Variants in SH3D19 observed in about 807,000 individuals in gnomAD.
SH3D19 encodes SH3 domain-containing protein 19.
In SH3D19, 58 loss-of-function variants were observed where a neutral mutation model predicts 112.1. The observed-to-expected ratio is 0.52, with a 90% CI of 0.42 to 0.64. The LOEUF is 0.64. Among genes scored for constraint, SH3D19 ranks in the 30% least tolerant of loss-of-function variants. The pLI, the probability that SH3D19 is intolerant of heterozygous loss-of-function variation, is 0.00. For missense variants in SH3D19, 1,090 were observed against 1,263.4 expected (o/e 0.86, Z 2.08); for synonymous variants, 391 against 448.5 (o/e 0.87, Z 1.62).
chr4:151,131,611 T>A (rs1305554675), intron 17 of SH3D19, among the ~76,000 whole-genome samples: 1 of 151,460 alleles, frequency 6.6e-6, no homozygotes, highest in African/African-American at 2.4e-5. Context: ...CTCAGCCTCC[T>A]GAGTAGCTGG....
intron 11 of SH3D19, chr4:151,144,360 A>G: frequency 7.0e-7 from 1 of 1,428,712 alleles, no homozygotes; most frequent in Non-Finnish European, 9.9e-7. Context: ...TCATTTAGGA[A>G]TTTGGCATGT....
Position 151,132,375 on chromosome 4 carries a change from C to T in SH3D19, c.2698G>A (p.Val900Ile). Residue 900 changes from valine to isoleucine, a missense_variant, in exon 17 of 20, where the codon GTA (valine) becomes ATA (isoleucine). By Grantham distance (29) the Val-to-Ile change is conservative (BLOSUM62 3). Coordinates refer to ENST00000604030, the MANE Select transcript of SH3D19 (RefSeq NM_001378122.1). Reference sequence around the variant, plus strand: ...TCTTCTTTTTTGGTTTTCAGTGGTACCTTTGTGCCTACATTAAAAAAACAA... The same window carrying T: ...TCTTCTTTTTTGGTTTTCAGTGGTATCTTTGTGCCTACATTAAAAAAACAA... Reference protein sequence around the residue: ...TSGANVLSTKVPLKTKKEDSG... With the variant: ...TSGANVLSTKIPLKTKKEDSG... 6.2e-7 allele frequency: 1 copy of T among 1,613,446 alleles called. No homozygotes were observed. The highest frequency in any genetic ancestry group is 8.5e-7 in the Non-Finnish European group (1 of 1,179,780).
chr4:151,127,739 A>C (rs760458232), intron 18 of SH3D19, 24 bp from the exon 19 acceptor site: 1 of 1,439,416 alleles, frequency 6.9e-7, no homozygotes, highest in Non-Finnish European at 9.4e-7. Context: ...AAAAATTTAA[A>C]TATATAGAAA....
rs967568386 is a variant in SH3D19 at position 151,317,630 on chromosome 4, A to G, written c.112+7611T>C. Among the ~76,000 whole-genome samples the G allele has an allele frequency of 4.5e-4, 68 of 152,242 alleles. 1 individual carries two copies. Among genetic ancestry groups the G allele is most frequent in the Admixed American group, 3.0e-3 (46 of 15,282 alleles). ...CCTCTGATTTGCTGAGATCACTTTG[A>G]ACATAATTGCTTATGTCACAATAAT... is the stretch of plus-strand genomic sequence containing the variant. On this transcript the variant is annotated intron_variant, in intron 1 of 19. Coordinates refer to ENST00000604030, the MANE Select transcript of SH3D19 (RefSeq NM_001378122.1).
At chr4:151,210,273 A>G (rs1015651450) in intron 2 of SH3D19, among the ~76,000 whole-genome samples, 2 of 152,224 alleles carry the variant, frequency 1.3e-5, no homozygotes, top group African/African-American at 2.4e-5. Flanking sequence ...AAAATCTTGA[A>G]ATAACCTAAA....
At chr4:151,316,921 G>C (rs1730045580) in intron 1 of SH3D19, among the ~76,000 whole-genome samples, 1 of 152,176 alleles carries the variant, frequency 6.6e-6, no homozygotes. Flanking sequence ...GAAACTACCT[G>C]ACACGTATTT....
intron 1 of SH3D19, among the ~76,000 whole-genome samples, chr4:151,322,423 ACT>A (rs1371940350): frequency 7.6e-6 from 1 of 130,780 alleles, no homozygotes; most frequent in African/African-American, 3.1e-5. Context: ...ACAGAGCAAG[ACT>A]CTGCCTAAAA....
intron 2 of SH3D19, among the ~76,000 whole-genome samples, chr4:151,196,098 A>T (rs920765139): frequency 1.3e-5 from 2 of 152,158 alleles, no homozygotes; most frequent in African/African-American, 2.4e-5. Flanking sequence ...ACTGCCTGGC[A>T]AGAGAAAGTA....
intron 1 of SH3D19, among the ~76,000 whole-genome samples, chr4:151,308,960 C>G (rs1387767869): frequency 6.6e-6 from 1 of 152,122 alleles, no homozygotes; most frequent in African/African-American, 2.4e-5. Flanking sequence ...GCCCCCACCT[C>G]CTGGGTTCAA....
At chr4:151,254,288 T>C (rs1033549212) in intron 1 of SH3D19, among the ~76,000 whole-genome samples, 2 of 128,386 alleles carry the variant, frequency 1.6e-5, no homozygotes, top group Admixed American at 7.6e-5. Flanking sequence ...GAATTATTAT[T>C]TTTTTTATTT....
chr4:151,303,734 GA>G (rs1728669489), intron 1 of SH3D19, among the ~76,000 whole-genome samples: 1 of 152,098 alleles, frequency 6.6e-6, no homozygotes, highest in African/African-American at 2.4e-5. Context: ...ATCATGTTTT[GA>G]AAAGTAACAA....
chr4:151,144,224 C>T, intron 11 of SH3D19, 174 bp from the exon 12 acceptor site: 2 of 1,613,776 alleles, frequency 1.2e-6, no homozygotes, highest in Non-Finnish European at 8.5e-7. Context: ...CTTTACCTTA[C>T]AAGAGAGTTC....
chr4:151,237,265 T>C (rs961650220), intron 1 of SH3D19, among the ~76,000 whole-genome samples: 2 of 152,236 alleles, frequency 1.3e-5, no homozygotes, highest in Non-Finnish European at 2.9e-5. Context: ...AACCCGCCAA[T>C]TTCGGACATA....
intron 2 of SH3D19, among the ~76,000 whole-genome samples, chr4:151,206,250 T>C (rs1247106266): frequency 6.6e-6 from 1 of 152,166 alleles, no homozygotes; most frequent in Non-Finnish European, 1.5e-5. Flanking sequence ...AATGATAGGA[T>C]ATTTATAGGT....
At chr4:151,281,947 C>T (rs1396302534) in intron 1 of SH3D19, among the ~76,000 whole-genome samples, 1 of 151,900 alleles carries the variant, frequency 6.6e-6, no homozygotes, top group Non-Finnish European at 1.5e-5. Context: ...AGGAAGAGAC[C>T]ACAGAAAGAG....
At chr4:151,144,147 A>T (rs1753503612) in intron 11 of SH3D19, 97 bp from the exon 12 acceptor site, 1 of 1,587,456 alleles carries the variant, frequency 6.3e-7, no homozygotes, top group African/African-American at 1.4e-5. Flanking sequence ...GCATTTAATA[A>T]TGTGTAATGG....
intron 2 of SH3D19, among the ~76,000 whole-genome samples, chr4:151,200,522 C>T (rs948121042): frequency 2.0e-5 from 3 of 152,170 alleles, no homozygotes; most frequent in East Asian, 1.9e-4. Context: ...CTGTGCATCT[C>T]TTCCCAATCT....
intron 1 of SH3D19, among the ~76,000 whole-genome samples, chr4:151,285,273 CAGAA>C (rs1774636289): frequency 6.6e-6 from 1 of 152,114 alleles, no homozygotes; most frequent in South Asian, 2.1e-4. Context: ...ATTTTAAAAA[CAGAA>C]AGAGTCCTAA....
chr4:151,301,817 A>T (rs1292226265), intron 1 of SH3D19, among the ~76,000 whole-genome samples: 1 of 152,250 alleles, frequency 6.6e-6, no homozygotes, highest in African/African-American at 2.4e-5. Flanking sequence ...CCAAAGGCAC[A>T]TTACATTCTT....
Sources: gnomAD v4.1 joint callset for allele counts (sites outside exome capture counted in the v4.1 genomes callset) on GRCh38, gnomAD v4.1.1 for gene constraint, MANE v1.5 for transcripts, NCBI Gene and HGNC (gene_info 2026-07-23, HGNC 2026-07-21) for gene names.